The following EFL1 variants were observed in gnomAD, a reference collection of about 807,000 sequenced individuals.
EFL1 encodes the protein elongation factor like GTPase 1.
A neutral mutation model predicts 126.7 loss-of-function variants in EFL1; 76 were observed. The ratio of observed to expected loss-of-function variants is 0.60; its 90% CI spans 0.50 to 0.73. The LOEUF (loss-of-function observed/expected upper bound fraction) is 0.73, where lower values mean the gene tolerates loss of function less well. Ranked by LOEUF, EFL1 falls within the 30% of genes least tolerant of loss-of-function variation. The probability of loss-of-function intolerance (pLI) is 0.00; values close to 1 mark genes in which losing one functional copy is unlikely to be tolerated. For synonymous variants in EFL1, 410 were observed against 448.4 expected (o/e 0.91, Z 1.08); for missense variants, 1,128 against 1,343.2 (o/e 0.84, Z 2.50).
intron 17 of EFL1, among the ~76,000 whole-genome samples, chr15:82,153,114 A>T (rs2073931498): frequency 6.6e-6 from 1 of 152,160 alleles, no homozygotes; most frequent in African/African-American, 2.4e-5. Flanking sequence ...TGAGGAACTA[A>T]ATTTTTAATT....
At chr15:82,155,348 A>G (rs1328339886) in intron 17 of EFL1, among the ~76,000 whole-genome samples, 3 of 151,970 alleles carry the variant, frequency 2.0e-5, no homozygotes, top group African/African-American at 7.3e-5. Context: ...CTAAAAATAT[A>G]AAAGTTAGCT....
intron 11 of EFL1, among the ~76,000 whole-genome samples, chr15:82,226,325 C>T (rs7167816): frequency 1.3e-5 from 2 of 152,010 alleles, no homozygotes; most frequent in South Asian, 2.1e-4. Flanking sequence ...TGTACCACCA[C>T]GCCCAGTTAG....
At chr15:82,248,744 G>A (rs1280374950) in intron 4 of EFL1, among the ~76,000 whole-genome samples, 2 of 151,968 alleles carry the variant, frequency 1.3e-5, no homozygotes, top group Non-Finnish European at 2.9e-5. Context: ...AAGCTCATAA[G>A]CTAAAGCCCA....
At chr15:82,183,357 T>C (rs543524906) in intron 15 of EFL1, among the ~76,000 whole-genome samples, 4 of 152,310 alleles carry the variant, frequency 2.6e-5, no homozygotes, top group Non-Finnish European at 4.4e-5. Flanking sequence ...GTTTGTTTTT[T>C]AGCAGGCAGC....
chr15:82,154,699 A>AT (rs2073949231), intron 17 of EFL1, among the ~76,000 whole-genome samples: 1 of 151,950 alleles, frequency 6.6e-6, no homozygotes, highest in Middle Eastern at 3.2e-3. Context: ...AATAGCCTCC[A>AT]TTTTTTTTAA....
At chr15:82,250,983 G>A (rs191518266) in intron 4 of EFL1, among the ~76,000 whole-genome samples, 1 of 152,028 alleles carries the variant, frequency 6.6e-6, no homozygotes. Flanking sequence ...ACACCGAGGC[G>A]GGCGGATCAC....
At position 82,245,919 on chromosome 15, in the gene EFL1, T is replaced by C. The variant is rs571765658; in HGVS notation, c.245-4516A>G. Among the ~76,000 whole-genome samples, 11 of 146,526 alleles carry C rather than the reference T, an allele frequency of 7.5e-5. No individual in the cohort carries two copies. The South Asian group carries it at 2.4e-3, about 31-fold the overall frequency. On this transcript the variant is annotated intron_variant, in intron 4 of 19. Coordinates refer to ENST00000268206, the MANE Select transcript of EFL1 (RefSeq NM_024580.6). The stretch of plus-strand genomic sequence containing the variant: ...CTGCACTCCAGCCTGGGTGATAGAA[T>C]GAGACTCTTGTCTTAAAAAAAAAAA...
chr15:82,226,868 A>C (rs2074769445), intron 11 of EFL1, among the ~76,000 whole-genome samples: 1 of 152,214 alleles, frequency 6.6e-6, no homozygotes, highest in Non-Finnish European at 1.5e-5. Context: ...AAGAGATATT[A>C]AGGATAAGCA....
intron 15 of EFL1, among the ~76,000 whole-genome samples, chr15:82,207,608 T>A (rs745433206): frequency 7.9e-5 from 12 of 152,142 alleles, no homozygotes; most frequent in Non-Finnish European, 1.3e-4. Context: ...ACCACAATTT[T>A]AAAAAATATG....
At chr15:82,136,992 T>G (rs1429727425) in intron 19 of EFL1, among the ~76,000 whole-genome samples, 2 of 151,764 alleles carry the variant, frequency 1.3e-5, no homozygotes, top group African/African-American at 4.9e-5. Flanking sequence ...AGCATTAACC[T>G]TGGTTCTGTC....
chr15:82,178,950 A>G (rs1022643294), intron 15 of EFL1, among the ~76,000 whole-genome samples: 1 of 152,140 alleles, frequency 6.6e-6, no homozygotes, highest in Non-Finnish European at 1.5e-5. Context: ...TGGGAAACAT[A>G]GCAAGACTCT....
At chr15:82,252,269 T>A (rs953171193) in intron 4 of EFL1, among the ~76,000 whole-genome samples, 2 of 152,242 alleles carry the variant, frequency 1.3e-5, no homozygotes, top group Non-Finnish European at 2.9e-5. Context: ...TCAGATAAAT[T>A]CCTAGAAGTG....
intron 12 of EFL1, among the ~76,000 whole-genome samples, chr15:82,220,907 T>C (rs1223717200): frequency 2.6e-5 from 4 of 152,184 alleles, no homozygotes; most frequent in Non-Finnish European, 5.9e-5. Flanking sequence ...CTAAGTTGAA[T>C]ACAAATTCTG....
intron 17 of EFL1, among the ~76,000 whole-genome samples, chr15:82,155,715 G>A (rs2073960636): frequency 6.6e-6 from 1 of 152,156 alleles, no homozygotes; most frequent in African/African-American, 2.4e-5. Context: ...GTGAATTCTT[G>A]TTGTTCCACA....
chr15:82,217,346 A>T lies in EFL1; in HGVS notation c.1611+2306T>A, dbSNP rs867601792. ...AGTGCATAAGGAGATATATACAAAA[A>T]TAATCAAGGTAGCATTGATTAGATT... is the stretch of plus-strand genomic sequence containing the variant. On this transcript the variant is annotated intron_variant, in intron 14 of 19. Transcript: ENST00000268206. Among the ~76,000 whole-genome samples the T allele has an allele frequency of 7.9e-4, 117 of 148,610 alleles. 1 individual carries two copies. Among genetic ancestry groups the T allele is most frequent in the African/African-American group, 2.8e-3 (114 of 40,906 alleles).
intron 17 of EFL1, among the ~76,000 whole-genome samples, chr15:82,155,388 G>A (rs2073956961): frequency 6.6e-6 from 1 of 152,154 alleles, no homozygotes; most frequent in Non-Finnish European, 1.5e-5. Context: ...TGTAGTCCCA[G>A]CTACTCAGGA....
intron 3 of EFL1, among the ~76,000 whole-genome samples, chr15:82,256,309 G>A (rs548843685): frequency 7.2e-5 from 11 of 152,218 alleles, no homozygotes; most frequent in Non-Finnish European, 1.3e-4. Flanking sequence ...AATGGTTTAC[G>A]TTTTTAAATT....
intron 18 of EFL1, among the ~76,000 whole-genome samples, chr15:82,151,081 A>C (rs2141227362): frequency 6.6e-6 from 1 of 152,314 alleles, no homozygotes; most frequent in South Asian, 2.1e-4. Flanking sequence ...AACATACTAA[A>C]CGAGTTTAAG....
At chr15:82,132,048 G>A (rs1045789070) in intron 19 of EFL1, among the ~76,000 whole-genome samples, 1 of 152,194 alleles carries the variant, frequency 6.6e-6, no homozygotes, top group South Asian at 2.1e-4. Flanking sequence ...TCTGGACCAA[G>A]ATAATAAAAT....
Sources: allele counts gnomAD v4.1 joint callset (sites outside exome capture counted in the v4.1 genomes callset), GRCh38; gene constraint gnomAD v4.1.1; transcripts MANE v1.5; gene names NCBI Gene and HGNC (gene_info 2026-07-23, HGNC 2026-07-21).